The following WARS2 variants were observed in gnomAD, a reference collection of about 807,000 sequenced individuals.
WARS2 encodes tryptophanyl tRNA synthetase 2, mitochondrial.
A neutral mutation model predicts 36.5 loss-of-function variants in WARS2; 28 were observed. The observed-to-expected ratio is 0.77, with a 90% CI of 0.57 to 1.05. The LOEUF is 1.05. WARS2 is among the 50% of genes least tolerant of loss of function. The probability of loss-of-function intolerance (pLI) is 0.00; values close to 1 mark genes in which losing one functional copy is unlikely to be tolerated. For synonymous variants in WARS2, 174 were observed against 178.4 expected, an observed-to-expected ratio of 0.98 and a Z score of 0.20; for missense variants, 435 against 456.8, an observed-to-expected ratio of 0.95 and a Z score of 0.44.
chr1:119,086,567 T>C (rs964270483), intron 1 of WARS2, among the ~76,000 whole-genome samples: 1 of 152,148 alleles, frequency 6.6e-6, no homozygotes, highest in South Asian at 2.1e-4. Context: ...GACTGCTCTT[T>C]TGACCTCACC....
chr1:119,063,507 T>C (rs12034347), intron 2 of WARS2: 25,059 of 152,142 alleles, frequency 0.16, 2,275 homozygotes, highest in East Asian at 0.24. Context: ...CTCCAGGCCA[T>C]GTCAGAGACC....
chr1:119,083,102 G>A (rs1408747027), intron 1 of WARS2, among the ~76,000 whole-genome samples: 1 of 152,124 alleles, frequency 6.6e-6, no homozygotes, highest in Non-Finnish European at 1.5e-5. Context: ...AGTGGTGGAT[G>A]TCTGTAATCC....
chr1:119,063,732 G>A (rs532005291), intron 2 of WARS2: 1 of 152,354 alleles, frequency 6.6e-6, no homozygotes, highest in South Asian at 2.1e-4. Context: ...ATGTGGTGTT[G>A]AGCCTGCAGG....
chr1:119,065,192 G>GA (rs143986157), intron 2 of WARS2, among the ~76,000 whole-genome samples: 7,579 of 152,140 alleles, frequency 0.05, 244 homozygotes, highest in Non-Finnish European at 0.068. Context: ...GATTTATAGT[G>GA]AAAATACTAT....
chr1:119,136,688 T>C (rs1274864538), intron 1 of WARS2, among the ~76,000 whole-genome samples: 2 of 152,246 alleles, frequency 1.3e-5, no homozygotes, highest in African/African-American at 2.4e-5. Flanking sequence ...GGGAACACTA[T>C]GCCAATTTAA....
chr1:119,121,675 G>A (rs1234643388), intron 1 of WARS2, among the ~76,000 whole-genome samples: 1 of 152,046 alleles, frequency 6.6e-6, no homozygotes, highest in Non-Finnish European at 1.5e-5. Context: ...AAACAGCACA[G>A]TACTAGTATA....
chr1:119,047,576 A>C (rs1011462624), intron 2 of WARS2: 14 of 152,228 alleles, frequency 9.2e-5, no homozygotes, highest in Admixed American at 7.2e-4. Context: ...CAGAAAAAGT[A>C]GGTAAAAGGT....
At chr1:119,086,576 C>G (rs1652685813) in intron 1 of WARS2, among the ~76,000 whole-genome samples, 1 of 152,054 alleles carries the variant, frequency 6.6e-6, no homozygotes, top group African/African-American at 2.4e-5. Context: ...TTTGACCTCA[C>G]CCCAGTCAAG....
intron 1 of WARS2, among the ~76,000 whole-genome samples, chr1:119,128,800 C>G (rs587720306): frequency 1.2e-4 from 19 of 152,136 alleles, no homozygotes; most frequent in African/African-American, 4.6e-4. Flanking sequence ...GGTTGGTAAG[C>G]ATCTGACTTT....
chr1:119,113,561 C>A (rs1654785113), intron 1 of WARS2, among the ~76,000 whole-genome samples: 1 of 151,782 alleles, frequency 6.6e-6, no homozygotes, highest in Admixed American at 6.6e-5. Flanking sequence ...AGATAAATGT[C>A]CTTTAAAAAA....
intron 1 of WARS2, among the ~76,000 whole-genome samples, chr1:119,099,739 T>C (rs966324116): frequency 1.3e-5 from 2 of 152,174 alleles, no homozygotes; most frequent in Admixed American, 6.5e-5. Context: ...CTGGGAAAAT[T>C]GGAGAGCCAC....
At chr1:119,139,354 T>C (rs1656766234) in intron 1 of WARS2, among the ~76,000 whole-genome samples, 1 of 152,226 alleles carries the variant, frequency 6.6e-6, no homozygotes, top group Non-Finnish European at 1.5e-5. Context: ...AAAAAATTTA[T>C]GACATGACTA....
intron 2 of WARS2, among the ~76,000 whole-genome samples, chr1:119,048,248 T>A (rs1649021962): frequency 6.6e-6 from 1 of 152,182 alleles, no homozygotes; most frequent in South Asian, 2.1e-4. Context: ...GTTGCCTGGA[T>A]CTGAATGCAA....
intron 1 of WARS2, chr1:119,126,471 T>C (rs1246215763): frequency 2.4e-6 from 1 of 417,058 alleles, no homozygotes; most frequent in Non-Finnish European, 4.2e-6. Context: ...CACTCTGAGG[T>C]AGATACTATT....
chr1:119,109,431 C>A (rs1654469918), intron 1 of WARS2, among the ~76,000 whole-genome samples: 1 of 151,962 alleles, frequency 6.6e-6, no homozygotes, highest in South Asian at 2.1e-4. Context: ...ACCTCTTTAT[C>A]ATTAAGTAAT....
At chr1:119,074,892 C>A (rs903904509) in intron 2 of WARS2, among the ~76,000 whole-genome samples, 1 of 152,026 alleles carries the variant, frequency 6.6e-6, no homozygotes, top group Non-Finnish European at 1.5e-5. Flanking sequence ...CATTCAGAAA[C>A]AGAAAATCAA....
chr1:119,062,431 A>C (rs1343723), intron 2 of WARS2, among the ~76,000 whole-genome samples: 1 of 151,880 alleles, frequency 6.6e-6, no homozygotes, highest in Admixed American at 6.6e-5. Context: ...TGATTCTCAG[A>C]GGCTGTGCAA....
chr1:119,125,682 G>C (rs1655607528), intron 1 of WARS2, among the ~76,000 whole-genome samples: 2 of 152,184 alleles, frequency 1.3e-5, no homozygotes, highest in Non-Finnish European at 2.9e-5. Context: ...ACATAAATGA[G>C]AGGAGAGTAG....
chr1:119,117,032 G>T (rs1484338359), intron 1 of WARS2, among the ~76,000 whole-genome samples: 1 of 152,150 alleles, frequency 6.6e-6, no homozygotes, highest in Non-Finnish European at 1.5e-5. Flanking sequence ...TTAGGCTAAG[G>T]CAAGATCTCA....
Sources: allele counts gnomAD v4.1 joint callset (sites outside exome capture counted in the v4.1 genomes callset), GRCh38; gene constraint gnomAD v4.1.1; transcripts MANE v1.5; gene names NCBI Gene and HGNC (gene_info 2026-07-23, HGNC 2026-07-21).